Variants in UGT3A1 observed in about 807,000 individuals in gnomAD.
UGT3A1 encodes UDP-glycosyltransferase 3A1.
In UGT3A1, 40 loss-of-function variants were observed where a neutral mutation model predicts 37.6. The ratio of observed to expected loss-of-function variants is 1.06; its 90% CI spans 0.83 to 1.38. UGT3A1 has a LOEUF of 1.38. UGT3A1 is among the 40% of genes most tolerant of loss of function. The probability of loss-of-function intolerance (pLI) is 0.00; values close to 1 mark genes in which losing one functional copy is unlikely to be tolerated. For missense variants in UGT3A1, 642 were observed against 634.2 expected (o/e 1.01, Z -0.13); for synonymous variants, 256 against 232.3 (o/e 1.10, Z -0.93).
chr5:35,968,227 T>A, intron 2 of UGT3A1, 94 bp from the exon 3 acceptor site: 1 of 756,648 alleles, frequency 1.3e-6, no homozygotes, highest in Non-Finnish European at 2.0e-6. Flanking sequence ...CTATTAATTT[T>A]ACATTTATGG....
chr5:35,954,418 T>A lies in UGT3A1; in HGVS notation c.1356A>T (p.Ala452=). The change falls in exon 7 of 7, where the codon GCA becomes GCT. Residue 452 remains alanine (A), a synonymous_variant. Coordinates refer to ENST00000274278, the MANE Select transcript of UGT3A1 (RefSeq NM_152404.4). ...GGTCGATCCAGCCCACCAGCCGCTG[T>A]GCGGGGCTCAGGGGCTGAGAGTGCA... The part of the protein sequence containing the change: ...VILHSQPLSP[A]QRLVGWIDHI... 6.2e-7 allele frequency: 1 copy of A among 1,614,228 alleles called. No homozygotes were observed. The highest frequency in any genetic ancestry group is 8.5e-7 in the Non-Finnish European group (1 of 1,180,042).
chr5:36,000,070 AG>A (rs1741185138), intron 1 of UGT3A1, among the ~76,000 whole-genome samples: 1 of 152,178 alleles, frequency 6.6e-6, no homozygotes, highest in Admixed American at 6.5e-5. Context: ...CCTGGTCCTC[AG>A]GCCTGGTGGA....
At chr5:35,980,263 A>T (rs1445843284) in intron 2 of UGT3A1, among the ~76,000 whole-genome samples, 1 of 152,248 alleles carries the variant, frequency 6.6e-6, no homozygotes, top group East Asian at 1.9e-4. Context: ...TAAAGAAGAC[A>T]GAATCTATGA....
chr5:35,987,967 G>A (rs1471127893), intron 2 of UGT3A1, among the ~76,000 whole-genome samples: 1 of 152,098 alleles, frequency 6.6e-6, no homozygotes, highest in Non-Finnish European at 1.5e-5. Flanking sequence ...AATTTTTCAA[G>A]CATATGAGGT....
rs150885334 is a variant in UGT3A1 at position 35,965,542 on chromosome 5, G to A, written c.687C>T (p.Phe229=). 22 of 1,614,058 alleles carry A rather than the reference G, an allele frequency of 1.4e-5. No individual in the cohort carries two copies. The African/African-American group carries it at 2.8e-4, about 21-fold the overall frequency. The change falls in exon 4 of 7, where the codon TTC becomes TTT. Residue 229 remains phenylalanine, a synonymous_variant. Coordinates refer to ENST00000274278, the MANE Select transcript of UGT3A1 (RefSeq NM_152404.4). ...STFDNTIKEH[F]PEGSRPVLSH... ...ACAAAACTGGCCTAGAGCCTTCTGG[G>A]AAATGCTCCTTGATGGTGTTGTCAA...
rs775260369 is a variant in UGT3A1 at position 35,965,370 on chromosome 5, C to A, written c.843+16G>T. 1 of 1,609,232 alleles carries A rather than the reference C, an allele frequency of 6.2e-7. No homozygotes were observed. Among genetic ancestry groups the A allele is most frequent in the Admixed American group, 1.7e-5 (1 of 59,762 alleles). The stretch of plus-strand genomic sequence containing the variant: ...CTCTATGTGAATCCCAAACTGAATG[C>A]TGAGGGTTCACTTACTTGTGGTACT... On this transcript the variant is annotated intron_variant, in intron 4 of 6. Coordinates refer to ENST00000274278, the MANE Select transcript of UGT3A1 (RefSeq NM_152404.4).
At chr5:35,961,988 C>A (rs1739604797) in intron 4 of UGT3A1, 1 of 151,832 alleles carries the variant, frequency 6.6e-6, no homozygotes, top group African/African-American at 2.4e-5. Context: ...ATGATGCATA[C>A]CTGAAAGTAT....
rs549891615 is a variant in UGT3A1 at position 35,965,518 on chromosome 5, C to A, written c.711G>T (p.Leu237Phe). The change falls in exon 4 of 7, where the codon TTG (leucine) becomes TTT (phenylalanine). Residue 237 changes from leucine (L) to phenylalanine (F), a missense_variant. Physicochemically the swap from Leu to Phe is conservative, Grantham distance 22. Transcript: ENST00000274278. ...EHFPEGSRPV[L>F]SHLLLKAELW... Reference sequence around the variant, plus strand: ...ACTCTGCTTTCAGTAGAAGATGAGACAAAACTGGCCTAGAGCCTTCTGGGA... The same window carrying A: ...ACTCTGCTTTCAGTAGAAGATGAGAAAAAACTGGCCTAGAGCCTTCTGGGA... 12 of 1,614,214 alleles carry A rather than the reference C, an allele frequency of 7.4e-6. No homozygotes were observed. In the African/African-American group the frequency reaches 9.3e-5, roughly 13 times the overall value.
chr5:35,956,084 G>A (rs190867508), intron 5 of UGT3A1, among the ~76,000 whole-genome samples: 57 of 152,322 alleles, frequency 3.7e-4, no homozygotes, highest in African/African-American at 1.4e-3. Flanking sequence ...ATCCATCTAA[G>A]ACTCTGAATG....
intron 2 of UGT3A1, among the ~76,000 whole-genome samples, chr5:35,984,472 AT>A (rs35556767): frequency 0.27 from 36,128 of 135,524 alleles, 4,492 homozygotes; most frequent in Non-Finnish European, 0.36. Context: ...ATCTCACAGA[AT>A]TTTTTTTTTT....
chr5:35,999,875 G>A (rs1404587239), intron 1 of UGT3A1, among the ~76,000 whole-genome samples: 1 of 152,122 alleles, frequency 6.6e-6, no homozygotes. Flanking sequence ...TTGGGTTGAA[G>A]CTTTTCCCTG....
intron 2 of UGT3A1, among the ~76,000 whole-genome samples, chr5:35,971,050 A>G (rs530492686): frequency 9.2e-5 from 14 of 152,294 alleles, no homozygotes; most frequent in African/African-American, 3.4e-4. Context: ...GTTTCCCTTT[A>G]TCTTTAAAAG....
intron 4 of UGT3A1, among the ~76,000 whole-genome samples, chr5:35,963,265 G>T (rs940157966): frequency 1.3e-5 from 2 of 152,180 alleles, no homozygotes; most frequent in Admixed American, 6.5e-5. Context: ...TAGTCAGCAG[G>T]AATTTGTCCT....
chr5:35,954,588 C>T (rs1739283648), intron 6 of UGT3A1, 110 bp from the exon 7 acceptor site: 1 of 1,360,196 alleles, frequency 7.4e-7, no homozygotes, highest in Admixed American at 2.3e-5. Context: ...CTAACACATG[C>T]ACCAAGGCTG....
chr5:35,983,582 G>A (rs1740614852), intron 2 of UGT3A1, among the ~76,000 whole-genome samples: 1 of 151,890 alleles, frequency 6.6e-6, no homozygotes, highest in Admixed American at 6.6e-5. Context: ...AATCAGACAA[G>A]GGCATAATAA....
chr5:35,975,922 CTA>C (rs1221320958), intron 2 of UGT3A1, among the ~76,000 whole-genome samples: 1 of 152,138 alleles, frequency 6.6e-6, no homozygotes, highest in Non-Finnish European at 1.5e-5. Flanking sequence ...CTCCAGGAGA[CTA>C]TATATGTGCT....
chr5:35,954,490 G>C lies in UGT3A1; in HGVS notation c.1296-12C>G. 6.2e-7 allele frequency: 1 copy of C among 1,612,134 alleles called. No individual in the cohort carries two copies. Among genetic ancestry groups the C allele is most frequent in the Non-Finnish European group, 8.5e-7 (1 of 1,178,462 alleles). On this transcript the variant is annotated splice_polypyrimidine_tract_variant and intron_variant, in intron 6 of 6. Transcript: ENST00000274278. The stretch of plus-strand genomic sequence containing the variant: ...CTGCCGACTTGTACCTGTTGGCGGA[G>C]ACAGAGAGGGTGTGTTACTGACGTA...
chr5:35,977,709 T>C (rs958270576), intron 2 of UGT3A1, among the ~76,000 whole-genome samples: 13 of 152,358 alleles, frequency 8.5e-5, no homozygotes, highest in African/African-American at 3.1e-4. Flanking sequence ...TCTTTATAAA[T>C]TATGCTGCCT....
At chr5:35,966,177 C>T (rs989682623) in intron 3 of UGT3A1, among the ~76,000 whole-genome samples, 4 of 152,330 alleles carry the variant, frequency 2.6e-5, no homozygotes, top group South Asian at 2.1e-4. Context: ...GCCAATTCAA[C>T]GTCCTACTCT....
Sources: gnomAD v4.1 joint callset for allele counts (sites outside exome capture counted in the v4.1 genomes callset) on GRCh38, gnomAD v4.1.1 for gene constraint, MANE v1.5 for transcripts, NCBI Gene and HGNC (gene_info 2026-07-23, HGNC 2026-07-21) for gene names.